Variants in CARMIL1 observed in about 807,000 individuals in gnomAD.
The protein encoded by CARMIL1 is F-actin-uncapping protein LRRC16A.
A neutral mutation model predicts 177.1 loss-of-function variants in CARMIL1; 90 were observed. That is an observed-to-expected ratio of 0.51 (90% CI 0.43 to 0.61). The LOEUF (loss-of-function observed/expected upper bound fraction) is 0.61. CARMIL1 is among the 20% of genes least tolerant of loss of function. CARMIL1 has a pLI of 0.00. For synonymous variants in CARMIL1, 577 were observed against 606.2 expected (o/e 0.95, Z 0.71); for missense variants, 1,380 against 1,667.0 (o/e 0.83, Z 3.00).
chr6:25,608,641 G>A (rs778443364), intron 35 of CARMIL1, among the ~76,000 whole-genome samples: 1 of 152,144 alleles, frequency 6.6e-6, no homozygotes, highest in Non-Finnish European at 1.5e-5. Flanking sequence ...ATAGAGCTTG[G>A]GAATTCAGCA....
At chr6:25,506,476 G>A (rs773136100) in intron 17 of CARMIL1, among the ~76,000 whole-genome samples, 5 of 152,204 alleles carry the variant, frequency 3.3e-5, no homozygotes, top group African/African-American at 9.7e-5. Context: ...AACCTGGGAG[G>A]TAGGGGTTGC....
intron 2 of CARMIL1, among the ~76,000 whole-genome samples, chr6:25,395,181 TGCTGTCCCCAA>T (rs1311765652): frequency 6.6e-6 from 1 of 152,228 alleles, no homozygotes; most frequent in African/African-American, 2.4e-5. Context: ...TTCTGTGCGT[TGCTGTCCCCAA>T]GCCCATGCGC....
At position 25,436,830 on chromosome 6, in the gene CARMIL1, C is replaced by T. The variant is rs556714913; in HGVS notation, c.371+1226C>T. 2.0e-5 allele frequency among the ~76,000 whole-genome samples: 3 copies of T among 152,290 alleles called. No individual in the cohort carries two copies. The East Asian group carries it at 5.8e-4, about 30-fold the overall frequency. ...GCCGGGGGAGCTAAGTGTCCCTGGC[C>T]TCCATTTCAGTGGAGTGGAGAGGGT... On this transcript the variant is annotated intron_variant, in intron 5 of 36. Transcript: ENST00000329474.
chr6:25,450,787 TCCTCCCTCCCTTCCTCCCTCCCCTC>T, intron 8 of CARMIL1, 76 bp downstream of exon 8: 1 of 10,108 alleles, frequency 9.9e-5, no homozygotes, highest in South Asian at 2.6e-3. Flanking sequence ...CTCCCTCCCT[TCCTCCCTCCCTTCCTCCCTCCCCTC>T]CCCTCCCCTT....
chr6:25,595,644 A>T lies in CARMIL1; in HGVS notation c.3119+1117A>T, dbSNP rs142449093. ...TTGCTTTTTCTCTGCTGCTGACTTA[A>T]TACTTTTCTTTCCATCCTTCAGACA... On this transcript the variant is annotated intron_variant, in intron 32 of 36. Transcript: ENST00000329474. Among the ~76,000 whole-genome samples, 518 of 152,192 alleles carry T rather than the reference A, an allele frequency of 3.4e-3. 3 individuals are homozygous for T. Among genetic ancestry groups the T allele is most frequent in the African/African-American group, 0.012 (491 of 41,522 alleles).
At chr6:25,489,831 C>T (rs530897152) in intron 13 of CARMIL1, among the ~76,000 whole-genome samples, 42 of 152,098 alleles carry the variant, frequency 2.8e-4, no homozygotes, top group Non-Finnish European at 4.1e-4. Context: ...TCAGTTGTTA[C>T]CTTCACTGAC....
At chr6:25,604,791 G>T in intron 33 of CARMIL1, 21 bp from the exon 34 acceptor site, 3 of 1,556,634 alleles carry the variant, frequency 1.9e-6, no homozygotes, top group Non-Finnish European at 1.7e-6. Flanking sequence ...TTTTTGGGGG[G>T]ATGGTGCTTG....
chr6:25,506,979 C>T (rs1331934866), intron 17 of CARMIL1, among the ~76,000 whole-genome samples: 1 of 152,108 alleles, frequency 6.6e-6, no homozygotes, highest in African/African-American at 2.4e-5. Flanking sequence ...GTTCCACCTT[C>T]CTTGAATGAG....
intron 16 of CARMIL1, among the ~76,000 whole-genome samples, chr6:25,497,139 G>A (rs1411656329): frequency 6.6e-6 from 1 of 152,148 alleles, no homozygotes; most frequent in East Asian, 1.9e-4. Flanking sequence ...AAAATTCCAT[G>A]TATACATTTA....
At chr6:25,340,655 G>A (rs1449562722) in intron 2 of CARMIL1, among the ~76,000 whole-genome samples, 4 of 152,090 alleles carry the variant, frequency 2.6e-5, no homozygotes, top group South Asian at 2.1e-4. Context: ...TAATTACTCC[G>A]GGCAGATCAG....
At chr6:25,616,521 C>T (rs1173804752) in intron 36 of CARMIL1, among the ~76,000 whole-genome samples, 1 of 152,198 alleles carries the variant, frequency 6.6e-6, no homozygotes. Context: ...CTACAGTGAG[C>T]TATGACTGCG....
intron 2 of CARMIL1, among the ~76,000 whole-genome samples, chr6:25,417,126 G>A (rs1795423734): frequency 6.6e-6 from 1 of 152,088 alleles, no homozygotes; most frequent in African/African-American, 2.4e-5. Flanking sequence ...ATATCCTGGG[G>A]CTAAACTGGA....
At chr6:25,498,539 C>T (rs904274935) in intron 16 of CARMIL1, among the ~76,000 whole-genome samples, 5 of 152,124 alleles carry the variant, frequency 3.3e-5, no homozygotes, top group Non-Finnish European at 5.9e-5. Flanking sequence ...GGCCTTAATT[C>T]ACATGTGAGA....
intron 8 of CARMIL1, among the ~76,000 whole-genome samples, chr6:25,462,050 C>A (rs1476146574): frequency 2.0e-5 from 3 of 151,760 alleles, no homozygotes; most frequent in Admixed American, 2.0e-4. Flanking sequence ...TTTGATAGTT[C>A]TTTATGCATT....
At chr6:25,444,385 T>A (rs1040006656) in intron 5 of CARMIL1, among the ~76,000 whole-genome samples, 5 of 151,354 alleles carry the variant, frequency 3.3e-5, no homozygotes, top group African/African-American at 7.3e-5. Context: ...CTTTTTTTTT[T>A]AAATTATATT....
chr6:25,587,904 C>T (rs1039111208), intron 31 of CARMIL1, among the ~76,000 whole-genome samples: 4 of 152,016 alleles, frequency 2.6e-5, no homozygotes, highest in Non-Finnish European at 5.9e-5. Context: ...AGGGGGAAAA[C>T]GTGTAGTGTA....
intron 15 of CARMIL1, among the ~76,000 whole-genome samples, chr6:25,492,472 A>G (rs1803338004): frequency 6.6e-6 from 1 of 152,184 alleles, no homozygotes; most frequent in Non-Finnish European, 1.5e-5. Flanking sequence ...CCTGACTTTA[A>G]TTGTTTGCAG....
intron 8 of CARMIL1, chr6:25,452,091 A>G: frequency 1.3e-6 from 1 of 756,166 alleles, no homozygotes. Context: ...AGCCAACTGA[A>G]TCGGCCAGGG....
chr6:25,396,169 C>CT (rs11402440), intron 2 of CARMIL1, among the ~76,000 whole-genome samples: 29,261 of 149,832 alleles, frequency 0.2, 3,177 homozygotes, highest in East Asian at 0.32. Flanking sequence ...AATTATTCTG[C>CT]TTTTTTTTTT....
Sources: gnomAD v4.1 joint callset for allele counts (sites outside exome capture counted in the v4.1 genomes callset) on GRCh38, gnomAD v4.1.1 for gene constraint, MANE v1.5 for transcripts, NCBI Gene and HGNC (gene_info 2026-07-23, HGNC 2026-07-21) for gene names.